PIR: variants seen among roughly 807,000 people sequenced by gnomAD.
PIR encodes the protein pirin.
In PIR, 22 loss-of-function variants were observed where a neutral mutation model predicts 24.2. That is an observed-to-expected ratio of 0.91 (90% CI 0.65 to 1.30). The LOEUF is 1.30. Ranked by LOEUF, PIR falls within the 50% of genes most tolerant of loss-of-function variation. The pLI, the probability that PIR is intolerant of heterozygous loss-of-function variation, is 0.00. For missense variants in PIR, 220 were observed against 220.3 expected, an observed-to-expected ratio of 1.00 and a Z score of 0.01; for synonymous variants, 80 against 79.6, an observed-to-expected ratio of 1.00 and a Z score of -0.03.
intron 5 of PIR, among the ~76,000 whole-genome samples, chrX:15,427,620 A>G (rs1925357154): frequency 9.1e-6 from 1 of 110,009 alleles, no homozygotes; most frequent in African/African-American, 3.3e-5. Context: ...AACTCCATGT[A>G]TAGTAATACA....
In PIR at chrX:15,441,550, G is replaced by A. The variant is rs376430885; in HGVS notation, c.480+14298C>T. Among the ~76,000 whole-genome samples, 105 of 110,850 alleles carry A rather than the reference G, an allele frequency of 9.5e-4. 1 individual carries two copies. The highest frequency in any genetic ancestry group is 3.3e-3 in the African/African-American group (100 of 30,390). On this transcript the variant is annotated intron_variant, in intron 5 of 9. Transcript: ENST00000380420. ...AGGAGGCAGTCATGGCTAAGCGTCCGACTCTAATATGTTAATAGAAAAAAA... is the reference window on the plus strand; with the variant it reads ...AGGAGGCAGTCATGGCTAAGCGTCCAACTCTAATATGTTAATAGAAAAAAA...
chrX:15,470,917 A>AC (rs201787904), intron 3 of PIR, among the ~76,000 whole-genome samples: 1 of 46,424 alleles, frequency 2.2e-5, no homozygotes, highest in Non-Finnish European at 4.4e-5. Context: ...CCGGCCCCCC[A>AC]CCCCCCCAAC....
At chrX:15,482,559 C>G (rs1204084975) in intron 2 of PIR, among the ~76,000 whole-genome samples, 2 of 112,202 alleles carry the variant, frequency 1.8e-5, no homozygotes, top group Non-Finnish European at 3.8e-5. Context: ...ATAAAATACA[C>G]AAATAGATTT....
At chrX:15,421,454 G>T (rs943422835) in intron 6 of PIR, among the ~76,000 whole-genome samples, 1 of 110,779 alleles carries the variant, frequency 9.0e-6, no homozygotes, top group African/African-American at 3.3e-5. Flanking sequence ...AAATGAAAAA[G>T]AAGACACAAT....
In PIR at chrX:15,470,600, C is replaced by CTT. The variant is rs1185040119; in HGVS notation, c.189+9127_189+9128dup. The stretch of plus-strand genomic sequence containing the variant: ...TTTTTCTTTCTTTCTTTCTTTCTTT[C>CTT]TTTTTTTTTTTTTTTTTTGAGACAG... On this transcript the variant is annotated intron_variant, in intron 3 of 9. Transcript: ENST00000380420. Among the ~76,000 whole-genome samples the CTT allele has an allele frequency of 3.6e-3, 163 of 45,061 alleles. 3 individuals are homozygous for CTT. The highest frequency in any genetic ancestry group is 0.012 in the Middle Eastern group (1 of 84). 39.1% of individuals were successfully genotyped at this position (45,061 alleles called of 115,157 possible).
intron 6 of PIR, among the ~76,000 whole-genome samples, chrX:15,419,413 GGAGA>G (rs1318238750): frequency 4.2e-4 from 44 of 103,937 alleles, no homozygotes; most frequent in African/African-American, 1.5e-3. Flanking sequence ...GATAGGGGAG[GGAGA>G]GAGAGAGAGA....
intron 4 of PIR, among the ~76,000 whole-genome samples, chrX:15,457,776 C>G (rs1028075): frequency 0.24 from 26,840 of 111,636 alleles, 2,552 homozygotes; most frequent in East Asian, 0.51. Flanking sequence ...TTTGAAAAGG[C>G]TTGTTAAACC....
intron 5 of PIR, chrX:15,429,799 T>C (rs1925445275): frequency 9.3e-6 from 1 of 107,490 alleles, no homozygotes; most frequent in Admixed American, 1.0e-4. Context: ...GAGCTTGCAG[T>C]GAGCCGAGAT....
chrX:15,485,613 G>A (rs1297401047), intron 2 of PIR, among the ~76,000 whole-genome samples: 1 of 112,234 alleles, frequency 8.9e-6, no homozygotes. Context: ...GAAAGAGACT[G>A]AAGAAGCTAG....
chrX:15,416,565 C>T (rs1314887732), intron 6 of PIR, among the ~76,000 whole-genome samples: 1 of 111,765 alleles, frequency 8.9e-6, no homozygotes, highest in Non-Finnish European at 1.9e-5. Flanking sequence ...GAGGTCGACT[C>T]TAAGACGTCT....
Position 15,470,131 on chromosome X carries a change from A to AT in PIR, c.189+9597dup, listed in dbSNP as rs1289356281. On this transcript the variant is annotated intron_variant, in intron 3 of 9. Coordinates refer to ENST00000380420, the MANE Select transcript of PIR (RefSeq NM_001018109.3). ...TGGACAAATGTGGGCCTGGGATCAT[A>AT]TGGGCCCACCAAATCTTGCTCTGTA... 4.5e-5 allele frequency among the ~76,000 whole-genome samples: 5 copies of AT among 111,886 alleles called. No individual in the cohort carries two copies. The Admixed American group carries it at 4.7e-4, about 11-fold the overall frequency.
rs1353695098 is a variant in PIR, at chrX:15,491,829, C to A, written c.-52-520G>T. ...AGGCTATACCATATATCCTACTACA[C>A]ACCTAGGTTATACCAGCTAGGTTTG... On this transcript the variant is annotated intron_variant, in intron 1 of 9. Transcript: ENST00000380420. Among the ~76,000 whole-genome samples the A allele has an allele frequency of 9.0e-5, 10 of 111,117 alleles. No individual in the cohort carries two copies. The Admixed American group carries it at 9.5e-4, about 11-fold the overall frequency.
chrX:15,456,931 A>C (rs1363720105), intron 4 of PIR, among the ~76,000 whole-genome samples: 2 of 112,541 alleles, frequency 1.8e-5, no homozygotes, highest in East Asian at 5.6e-4. Context: ...GAAGGTATGA[A>C]CATCATAGAT....
intron 9 of PIR, among the ~76,000 whole-genome samples, chrX:15,386,892 A>C (rs1923769492): frequency 9.1e-6 from 1 of 109,688 alleles, no homozygotes; most frequent in Admixed American, 9.8e-5. Context: ...GGAGTAATAT[A>C]ATATGATTTA....
chrX:15,432,544 G>A (rs943664013), intron 5 of PIR, among the ~76,000 whole-genome samples: 1 of 112,048 alleles, frequency 8.9e-6, no homozygotes, highest in African/African-American at 3.2e-5. Flanking sequence ...GCCATAAAGA[G>A]CTTGAAGTAT....
At chrX:15,456,932 C>T (rs925829156) in intron 4 of PIR, among the ~76,000 whole-genome samples, 5 of 112,562 alleles carry the variant, frequency 4.4e-5, no homozygotes, top group Non-Finnish European at 9.4e-5. Context: ...AAGGTATGAA[C>T]ATCATAGATG....
intron 5 of PIR, 66 bp from the exon 6 acceptor site, chrX:15,426,056 G>A: frequency 2.8e-6 from 2 of 718,659 alleles, no homozygotes; most frequent in Non-Finnish European, 4.4e-6. Context: ...CCTTCAGCTG[G>A]CCCTTCTGTA....
intron 6 of PIR, among the ~76,000 whole-genome samples, chrX:15,414,427 GA>G (rs1924846054): frequency 2.7e-5 from 3 of 111,009 alleles, no homozygotes; most frequent in South Asian, 7.4e-4. Flanking sequence ...TAATTGCTCA[GA>G]AAAAAAATCA....
chrX:15,469,296 G>A (rs758515117), intron 3 of PIR, among the ~76,000 whole-genome samples: 1 of 111,726 alleles, frequency 9.0e-6, no homozygotes, highest in East Asian at 2.8e-4. Context: ...TCTAGGAAAA[G>A]GCCCACTACT....
Sources: allele counts gnomAD v4.1 joint callset (sites outside exome capture counted in the v4.1 genomes callset), GRCh38; gene constraint gnomAD v4.1.1; transcripts MANE v1.5; gene names NCBI Gene and HGNC (gene_info 2026-07-23, HGNC 2026-07-21).